Variants in TRIP4 observed in about 807,000 individuals in gnomAD.
The protein encoded by TRIP4 is activating signal cointegrator 1.
In TRIP4, 54 loss-of-function variants were observed where a neutral mutation model predicts 81.8. The ratio of observed to expected loss-of-function variants is 0.66; its 90% CI spans 0.53 to 0.83. The LOEUF (loss-of-function observed/expected upper bound fraction) is 0.83, where lower values mean the gene tolerates loss of function less well. TRIP4 is among the 40% of genes least tolerant of loss of function. The pLI is 0.00. For missense variants in TRIP4, 662 were observed against 683.6 expected (o/e 0.97, Z 0.35); for synonymous variants, 270 against 242.8 (o/e 1.11, Z -1.04).
intron 7 of TRIP4, among the ~76,000 whole-genome samples, chr15:64,413,173 C>T (rs1891807044): frequency 6.6e-6 from 1 of 152,078 alleles, no homozygotes; most frequent in African/African-American, 2.4e-5. Flanking sequence ...GAATACTCTT[C>T]TGTGGGTCAG....
chr15:64,442,842 C>A (rs1892548262), intron 11 of TRIP4, among the ~76,000 whole-genome samples: 1 of 151,746 alleles, frequency 6.6e-6, no homozygotes, highest in South Asian at 2.1e-4. Context: ...ACAAAATTAG[C>A]TGGGCATGGT....
chr15:64,401,782 A>C (rs1029613267), intron 5 of TRIP4, among the ~76,000 whole-genome samples: 3 of 152,166 alleles, frequency 2.0e-5, no homozygotes, highest in Non-Finnish European at 2.9e-5. Context: ...ACAAGAAATG[A>C]AAATACTAGA....
chr15:64,389,444 CA>C (rs1005549442), intron 1 of TRIP4, among the ~76,000 whole-genome samples: 2 of 151,788 alleles, frequency 1.3e-5, no homozygotes, highest in African/African-American at 4.8e-5. Context: ...CCACCCTGGG[CA>C]ACATAGTGAG....
chr15:64,414,165 C>T lies in TRIP4; in HGVS notation c.1124C>T (p.Pro375Leu), dbSNP rs759851672. The T allele has an allele frequency of 1.2e-6, 2 of 1,614,146 alleles. No individual in the cohort carries two copies. The highest frequency in any genetic ancestry group is 2.2e-5 in the South Asian group (2 of 91,080). Residue 375 changes from proline to leucine, a missense_variant, in exon 8 of 13, where the codon CCT becomes CTT. Physicochemically the swap from Pro to Leu is moderately conservative, Grantham distance 98. Transcript: ENST00000261884. ...LTKLDRSSEE[P>L]LGVLVNPNMY... ...AAATTGGATAGATCTTCTGAAGAGC[C>T]TTTGGGAGTTCTGGTAAATCCCAAC...
intron 11 of TRIP4, among the ~76,000 whole-genome samples, chr15:64,435,505 G>A (rs1380751733): frequency 1.4e-5 from 2 of 138,460 alleles, no homozygotes; most frequent in African/African-American, 5.3e-5. Context: ...CAACCTGGGC[G>A]ACAGAGTGAG....
intron 6 of TRIP4, 56 bp from the exon 7 acceptor site, chr15:64,409,557 A>G (rs1196697541): frequency 6.6e-7 from 1 of 1,523,534 alleles, no homozygotes; most frequent in African/African-American, 1.4e-5. Context: ...TTTTCCAATA[A>G]TCGGTCCTTA....
intron 11 of TRIP4, among the ~76,000 whole-genome samples, chr15:64,431,651 A>T (rs751684084): frequency 6.6e-6 from 1 of 151,560 alleles, no homozygotes; most frequent in Non-Finnish European, 1.5e-5. Flanking sequence ...GGTTGCAGTG[A>T]GCAGAGATTG....
intron 9 of TRIP4, among the ~76,000 whole-genome samples, chr15:64,420,398 G>A (rs1462660448): frequency 6.6e-6 from 1 of 152,134 alleles, no homozygotes; most frequent in Non-Finnish European, 1.5e-5. Flanking sequence ...TGGGATTACA[G>A]GTGTGAGCCA....
At chr15:64,415,982 T>C (rs1023079804) in intron 8 of TRIP4, among the ~76,000 whole-genome samples, 9 of 152,144 alleles carry the variant, frequency 5.9e-5, no homozygotes, top group African/African-American at 2.2e-4. Flanking sequence ...GCCAAGGTAG[T>C]CATTGCAATA....
chr15:64,441,533 G>C (rs1892518148), intron 11 of TRIP4, among the ~76,000 whole-genome samples: 1 of 151,912 alleles, frequency 6.6e-6, no homozygotes, highest in Admixed American at 6.6e-5. Context: ...CAGCACTTTG[G>C]AAGGCCGAGG....
At chr15:64,390,344 C>T (rs534850462) in intron 1 of TRIP4, among the ~76,000 whole-genome samples, 1 of 150,458 alleles carries the variant, frequency 6.6e-6, no homozygotes, top group African/African-American at 2.4e-5. Flanking sequence ...TGCAGGTCAT[C>T]TCAGTTACTC....
chr15:64,399,969 T>A (rs1490198268), intron 4 of TRIP4, among the ~76,000 whole-genome samples: 2 of 145,680 alleles, frequency 1.4e-5, no homozygotes, highest in Non-Finnish European at 1.5e-5. Flanking sequence ...AGCCACACCC[T>A]GCTCAAAAAA....
chr15:64,395,542 A>G lies in TRIP4; in HGVS notation c.405+11A>G, dbSNP rs1900266920. 1.3e-6 allele frequency: 2 copies of G among 1,599,352 alleles called. No homozygotes were observed. The highest frequency in any genetic ancestry group is 3.3e-4 in the Middle Eastern group (2 of 5,976). On this transcript the variant is annotated intron_variant, in intron 3 of 12. Transcript: ENST00000261884. ...TTTGATTTGGCCAAGGTGAGTGCTT[A>G]TAGATTGAAGCTTTTTCTGACTATT...
chr15:64,444,057 T>C (rs369766392), intron 11 of TRIP4, among the ~76,000 whole-genome samples: 1 of 152,318 alleles, frequency 6.6e-6, no homozygotes. Context: ...TTCCTTACTT[T>C]TTAAAATGAA....
Position 64,455,138 on chromosome 15 carries a change from T to A in TRIP4, c.*74T>A. Reference sequence around the variant, plus strand: ...ATTGCTATCTACTGGTCCTTTGGAATTGAAGTAGTAGAAACCTAAAGGCTT... The same window carrying A: ...ATTGCTATCTACTGGTCCTTTGGAAATGAAGTAGTAGAAACCTAAAGGCTT... On this transcript the variant is annotated 3_prime_UTR_variant, in exon 13 of 13. Transcript: ENST00000261884. The A allele has an allele frequency of 7.3e-7, 1 of 1,375,032 alleles. No homozygotes were observed. The highest frequency in any genetic ancestry group is 1.0e-6 in the Non-Finnish European group (1 of 980,946). The allele number at this position is 1,375,032 out of a possible 1,614,324, so 85.2% of individuals were successfully genotyped here. A position where few individuals can be genotyped will look rare whatever the true frequency, so the allele number is the denominator to read the frequency against.
intron 6 of TRIP4, among the ~76,000 whole-genome samples, chr15:64,408,153 C>G (rs1891671252): frequency 1.1e-5 from 1 of 90,388 alleles, no homozygotes; most frequent in Non-Finnish European, 2.3e-5. Flanking sequence ...TCTAAGTCTG[C>G]TTTATTTTTG....
At chr15:64,450,945 T>G (rs964011398) in intron 12 of TRIP4, 75 of 230,042 alleles carry the variant, frequency 3.3e-4, no homozygotes, top group Non-Finnish European at 5.6e-4. Flanking sequence ...TGATATGTCT[T>G]TTTTTCTTAT....
At chr15:64,401,107 G>T (rs537028663) in intron 5 of TRIP4, among the ~76,000 whole-genome samples, 3 of 151,382 alleles carry the variant, frequency 2.0e-5, no homozygotes, top group African/African-American at 7.3e-5. Flanking sequence ...GATTGCAGGC[G>T]TGTGCCACCA....
chr15:64,446,826 C>T (rs1003653611), intron 12 of TRIP4, among the ~76,000 whole-genome samples: 5 of 149,748 alleles, frequency 3.3e-5, no homozygotes, highest in African/African-American at 7.3e-5. Context: ...TATAGTGGGC[C>T]GGGCGTGGTG....
Sources: allele counts gnomAD v4.1 joint callset (sites outside exome capture counted in the v4.1 genomes callset), GRCh38; gene constraint gnomAD v4.1.1; transcripts MANE v1.5; gene names NCBI Gene and HGNC (gene_info 2026-07-23, HGNC 2026-07-21).